Variants in CACNA2D2 observed in about 807,000 individuals in gnomAD.
CACNA2D2 encodes voltage-dependent calcium channel subunit alpha-2/delta-2.
CACNA2D2 carries 48 observed loss-of-function variants against 166.4 expected under a neutral mutation model. The ratio of observed to expected loss-of-function variants is 0.29; its 90% CI spans 0.23 to 0.37. The LOEUF is 0.37. Among genes scored for constraint, CACNA2D2 ranks in the 10% least tolerant of loss-of-function variants. CACNA2D2 has a pLI of 1.00. For synonymous variants in CACNA2D2, 561 were observed against 573.7 expected, an observed-to-expected ratio of 0.98 and a Z score of 0.32; for missense variants, 1,122 against 1,433.0, an observed-to-expected ratio of 0.78 and a Z score of 3.50.
At chr3:50,407,271 TCACA>T (rs1706762061) in intron 3 of CACNA2D2, among the ~76,000 whole-genome samples, 1 of 151,834 alleles carries the variant, frequency 6.6e-6, no homozygotes, top group Non-Finnish European at 1.5e-5. Flanking sequence ...TACTGAGGCA[TCACA>T]GGTCAGGGCC....
chr3:50,489,127 A>G (rs41305888), intron 1 of CACNA2D2, among the ~76,000 whole-genome samples: 70 of 152,314 alleles, frequency 4.6e-4, no homozygotes, highest in Non-Finnish European at 9.0e-4. Flanking sequence ...CAACTATGAA[A>G]CATAGGAAAT....
chr3:50,382,519 C>G (rs1299706697), intron 6 of CACNA2D2, among the ~76,000 whole-genome samples: 1 of 152,238 alleles, frequency 6.6e-6, no homozygotes, highest in Non-Finnish European at 1.5e-5. Flanking sequence ...CTCCCACTCC[C>G]TTCGCTGTCT....
intron 3 of CACNA2D2, among the ~76,000 whole-genome samples, chr3:50,398,743 G>A (rs1169520371): frequency 6.6e-6 from 1 of 152,212 alleles, no homozygotes; most frequent in African/African-American, 2.4e-5. Flanking sequence ...GAACCTCAGT[G>A]GGACTGCTGA....
At chr3:50,393,204 G>C (rs770415768) in intron 4 of CACNA2D2, among the ~76,000 whole-genome samples, 2 of 152,202 alleles carry the variant, frequency 1.3e-5, no homozygotes, top group African/African-American at 4.8e-5. Flanking sequence ...CTGCTTCCTA[G>C]AGCAGATGTG....
Position 50,367,560 on chromosome 3 carries a change from C to A in CACNA2D2, c.2298-63G>T, listed in dbSNP as rs1326930847. 2 of 1,602,200 alleles carry A rather than the reference C, an allele frequency of 1.2e-6. No individual in the cohort carries two copies. The highest frequency in any genetic ancestry group is 1.7e-5 in the Admixed American group (1 of 59,710). On this transcript the variant is annotated intron_variant, in intron 26 of 37. Transcript: ENST00000424201. The surrounding 1 kb of genome is among the most constrained non-coding windows in gnomAD (Gnocchi z 6.5). ...GGCTTGTCGGGGACAGTGGTCTCCA[C>A]AGATGCAAGGAGGCCTCTGGGCAGA... is the stretch of plus-strand genomic sequence containing the variant.
At chr3:50,498,901 C>G (rs979172845) in intron 1 of CACNA2D2, among the ~76,000 whole-genome samples, 1 of 152,226 alleles carries the variant, frequency 6.6e-6, no homozygotes, top group Non-Finnish European at 1.5e-5. Context: ...TGCCCTGCCT[C>G]TCATGGTTGT....
intron 2 of CACNA2D2, among the ~76,000 whole-genome samples, chr3:50,470,025 C>T (rs1330446266): frequency 1.3e-5 from 2 of 152,236 alleles, no homozygotes; most frequent in Non-Finnish European, 2.9e-5. Context: ...CACAGACCTG[C>T]CCCTCTGTGC....
At chr3:50,377,879 A>AG in intron 15 of CACNA2D2, 76 bp from the exon 16 acceptor site, 1 of 1,493,504 alleles carries the variant, frequency 6.7e-7, no homozygotes, top group Admixed American at 1.7e-5. Flanking sequence ...GCAGGGACTG[A>AG]GGTGCAGGCC....
chr3:50,476,858 C>T (rs749946862), intron 1 of CACNA2D2, among the ~76,000 whole-genome samples: 1 of 152,160 alleles, frequency 6.6e-6, no homozygotes, highest in Non-Finnish European at 1.5e-5. Context: ...CCTCACAATC[C>T]ACCTGAGCCA....
chr3:50,372,804 G>A (rs1267517093), intron 22 of CACNA2D2, among the ~76,000 whole-genome samples: 2 of 152,124 alleles, frequency 1.3e-5, no homozygotes, highest in Non-Finnish European at 1.5e-5. Flanking sequence ...CAGAGAGAGT[G>A]AGGGGTCCAA....
intron 1 of CACNA2D2, among the ~76,000 whole-genome samples, chr3:50,498,441 G>A (rs186902115): frequency 2.6e-5 from 4 of 152,196 alleles, no homozygotes; most frequent in Middle Eastern, 3.4e-3. Context: ...CTTTCTCTCC[G>A]GAATCAGACT....
chr3:50,500,593 C>T (rs1229993098), intron 1 of CACNA2D2, among the ~76,000 whole-genome samples: 1 of 152,136 alleles, frequency 6.6e-6, no homozygotes, highest in Non-Finnish European at 1.5e-5. Flanking sequence ...GAGGGCATAA[C>T]TGGAAAAAGG....
At chr3:50,485,464 T>C (rs540499691) in intron 1 of CACNA2D2, among the ~76,000 whole-genome samples, 2 of 152,406 alleles carry the variant, frequency 1.3e-5, no homozygotes, top group East Asian at 1.9e-4. Flanking sequence ...GAGGTAGTTA[T>C]AAATGTATTT....
chr3:50,482,525 C>A (rs1698095870), intron 1 of CACNA2D2, among the ~76,000 whole-genome samples: 1 of 152,220 alleles, frequency 6.6e-6, no homozygotes, highest in Non-Finnish European at 1.5e-5. Context: ...CAAAGAGGAG[C>A]TAAGTGGAAA....
At chr3:50,460,365 G>A (rs1431716558) in intron 2 of CACNA2D2, among the ~76,000 whole-genome samples, 1 of 152,130 alleles carries the variant, frequency 6.6e-6, no homozygotes, top group Non-Finnish European at 1.5e-5. Context: ...ACTGGACAAA[G>A]GGTTAGGGAA....
intron 2 of CACNA2D2, among the ~76,000 whole-genome samples, chr3:50,454,607 C>A (rs1240714277): frequency 2.6e-5 from 4 of 152,248 alleles, no homozygotes. Flanking sequence ...CCCAGAATCC[C>A]TCAGCCCGGG....
Position 50,374,739 on chromosome 3 carries a change from T to C in CACNA2D2, c.1982A>G (p.Lys661Arg). 4 of 1,592,272 alleles carry C rather than the reference T, an allele frequency of 2.5e-6. No homozygotes were observed. The highest frequency in any genetic ancestry group is 3.4e-6 in the Non-Finnish European group (4 of 1,169,736). The stretch of plus-strand genomic sequence containing the variant: ...CAGGCAGGGGCCGGGCCACTTACAC[T>C]TGACCTGCAGGATCTGGTCACTGAG... The part of the protein sequence containing the change: ...ANLSDQILQV[K>R]YFEFLLPSSF... The change falls in exon 22 of 38, where the codon AAG (lysine) becomes AGG (arginine). Residue 661 changes from lysine (K) to arginine (R), a missense_variant and splice_region_variant. Lys to Arg is a conservative substitution (Grantham distance 26). Around this residue, in one of 2 missense-constraint regions of CACNA2D2, gnomAD observed 840 missense variants for 1,166.8 expected, o/e 0.72. Coordinates refer to ENST00000424201, the MANE Select transcript of CACNA2D2 (RefSeq NM_006030.4).
In CACNA2D2 at chr3:50,367,442, G is replaced by A. The variant is rs1166312497; in HGVS notation, c.2353C>T (p.Arg785Cys). The change falls in exon 27 of 38, where the codon CGC (arginine) becomes TGC (cysteine). Residue 785 changes from arginine (R) to cysteine (C), a missense_variant. By Grantham distance (180) the Arg-to-Cys change is radical. Around this residue, in one of 2 missense-constraint regions of CACNA2D2, gnomAD observed 840 missense variants for 1,166.8 expected, o/e 0.72. Transcript: ENST00000424201. The surrounding 1 kb of genome is among the most constrained non-coding windows in gnomAD (Gnocchi z 6.5). Reference sequence around the variant, plus strand: ...ACATAACCGTGGTTATCCAGGCTGCGGCGGTAGAAGCTGGCATTGAAGGGC... The same window carrying A: ...ACATAACCGTGGTTATCCAGGCTGCAGCGGTAGAAGCTGGCATTGAAGGGC... Reference protein sequence around the residue: ...PEPFNASFYRRSLDNHGYVFK... With the variant: ...PEPFNASFYRCSLDNHGYVFK... 3 of 1,613,942 alleles carry A rather than the reference G, an allele frequency of 1.9e-6. No homozygotes were observed. Among genetic ancestry groups the A allele is most frequent in the Non-Finnish European group, 2.5e-6 (3 of 1,180,000 alleles).
At position 50,427,680 on chromosome 3, in the gene CACNA2D2, T is replaced by C. The variant is rs1707865321; in HGVS notation, c.405+6633A>G. On this transcript the variant is annotated intron_variant, in intron 3 of 37. Transcript: ENST00000424201. The surrounding 1 kb of genome is among the most constrained non-coding windows in gnomAD (Gnocchi z 4.7). ...TTCCTGCCTGTCCATCTACCATTACTGCACCTTTTAGAGCTTCCCTAGTGT... is the reference window on the plus strand; with the variant it reads ...TTCCTGCCTGTCCATCTACCATTACCGCACCTTTTAGAGCTTCCCTAGTGT... Among the ~76,000 whole-genome samples, 1 of 152,262 alleles carries C rather than the reference T, an allele frequency of 6.6e-6. No homozygotes were observed. Among genetic ancestry groups the C allele is most frequent in the Non-Finnish European group, 1.5e-5 (1 of 68,050 alleles).
Sources: allele counts gnomAD v4.1 joint callset (sites outside exome capture counted in the v4.1 genomes callset), GRCh38; gene constraint gnomAD v4.1.1; regional missense constraint gnomAD v4.1.1; non-coding constraint Gnocchi (gnomAD v3.1); transcripts MANE v1.5; gene names NCBI Gene and HGNC (gene_info 2026-07-23, HGNC 2026-07-21).